The following DCTN5 variants were observed in gnomAD, a reference collection of about 807,000 sequenced individuals.
DCTN5 encodes the protein dynactin subunit 5.
A neutral mutation model predicts 23.5 loss-of-function variants in DCTN5; 14 were observed. The ratio of observed to expected loss-of-function variants is 0.60; its 90% CI spans 0.39 to 0.93. The LOEUF (loss-of-function observed/expected upper bound fraction) is 0.93, where lower values mean the gene tolerates loss of function less well. Among genes scored for constraint, DCTN5 ranks in the 40% least tolerant of loss-of-function variants. DCTN5 has a pLI of 0.00. For missense variants in DCTN5, 156 were observed against 225.9 expected (o/e 0.69, Z 1.98); for synonymous variants, 67 against 79.6 (o/e 0.84, Z 0.84).
rs1430732599 is a variant in DCTN5 at position 23,674,568 on chromosome 16, C to T, written c.*7424C>T. ...TGACAGCCTGACTCTACTTCCCTCA[C>T]TTTTCTCCCAGCACACACAGCTTAG... On this transcript the variant is annotated 3_prime_UTR_variant, in exon 6 of 6. Transcript: ENST00000300087. 6.6e-6 allele frequency: 1 copy of T among 152,216 alleles called. No homozygotes were observed. The highest frequency in any genetic ancestry group is 2.4e-5 in the African/African-American group (1 of 41,454). The allele number at this position is 152,216 out of a possible 1,614,324, so 9.4% of individuals were successfully genotyped here.
In DCTN5 at chr16:23,668,999, T is replaced by C. The variant is rs191464184; in HGVS notation, c.*1855T>C. The stretch of plus-strand genomic sequence containing the variant: ...CAAAAACAATAGCTACTACAAACAA[T>C]AGGAGTTTATAATTATGTGCTGATG... On this transcript the variant is annotated 3_prime_UTR_variant, in exon 6 of 6. Coordinates refer to ENST00000300087, the MANE Select transcript of DCTN5 (RefSeq NM_032486.4). 17 of 152,720 alleles carry C rather than the reference T, an allele frequency of 1.1e-4. No individual in the cohort carries two copies. In the East Asian group the frequency reaches 2.9e-3, roughly 26 times the overall value. 9.5% of individuals were successfully genotyped at this position (152,720 alleles called of 1,614,324 possible). A position where few individuals can be genotyped will look rare whatever the true frequency, so the allele number is the denominator to read the frequency against.
rs1193018304 is a variant in DCTN5 at position 23,645,117 on chromosome 16, ATATATATATATATATATATAT to A, written c.117+2096_117+2116del. ...TATATATATATATATATATATATAT[ATATATATATATATATATATAT>A]TTTTTTTTTTTTTAATACGCAGTTT... On this transcript the variant is annotated intron_variant, in intron 2 of 5. Coordinates refer to ENST00000300087, the MANE Select transcript of DCTN5 (RefSeq NM_032486.4). 1.4e-3 allele frequency among the ~76,000 whole-genome samples: 53 copies of A among 36,658 alleles called. 2 individuals carry two copies. The highest frequency in any genetic ancestry group is 5.6e-3 in the African/African-American group (49 of 8,802). The allele number at this position is 36,658 out of a possible 152,430, so 24.0% of individuals were successfully genotyped here.
intron 5 of DCTN5, chr16:23,666,578 C>T (rs563339298): frequency 6.0e-6 from 1 of 166,190 alleles, no homozygotes; most frequent in Non-Finnish European, 1.3e-5. Context: ...TTGTTTTACA[C>T]AGCTGAAATC....
Position 23,675,086 on chromosome 16 carries a change from A to C in DCTN5, c.*7942A>C, listed in dbSNP as rs972929780. 4 of 152,198 alleles carry C rather than the reference A, an allele frequency of 2.6e-5. No homozygotes were observed. Among genetic ancestry groups the C allele is most frequent in the Non-Finnish European group, 4.4e-5 (3 of 68,042 alleles). 9.4% of individuals were successfully genotyped at this position (152,198 alleles called of 1,614,324 possible). ...GGTACAGGTAGATGGTTAGGGCTTC[A>C]GCATGAATTTTTGTGGGGACATAAT... On this transcript the variant is annotated 3_prime_UTR_variant, in exon 6 of 6. Coordinates refer to ENST00000300087, the MANE Select transcript of DCTN5 (RefSeq NM_032486.4).
chr16:23,662,703 A>C (rs1167712869), intron 4 of DCTN5, among the ~76,000 whole-genome samples: 2 of 152,192 alleles, frequency 1.3e-5, no homozygotes, highest in Non-Finnish European at 2.9e-5. Flanking sequence ...GACAAGGGGA[A>C]AGTTAGTAAA....
At chr16:23,665,055 T>C (rs1378705551) in intron 4 of DCTN5, among the ~76,000 whole-genome samples, 1 of 152,208 alleles carries the variant, frequency 6.6e-6, no homozygotes, top group Non-Finnish European at 1.5e-5. Flanking sequence ...GGAAATAAGA[T>C]GCCTATTCCA....
rs1967941985 is a variant in DCTN5, at chr16:23,668,252, G to C, written c.*1108G>C. On this transcript the variant is annotated 3_prime_UTR_variant, in exon 6 of 6. Coordinates refer to ENST00000300087, the MANE Select transcript of DCTN5 (RefSeq NM_032486.4). The stretch of plus-strand genomic sequence containing the variant: ...CTCTGATCTGTAAGTGAATAGGGCA[G>C]AACAGTTCAGCCTTGAGGTTAGAAT... 6.6e-6 allele frequency: 1 copy of C among 152,220 alleles called. No homozygotes were observed. The highest frequency in any genetic ancestry group is 1.5e-5 in the Non-Finnish European group (1 of 68,058). 9.4% of individuals were successfully genotyped at this position (152,220 alleles called of 1,614,324 possible).
In DCTN5 at chr16:23,645,094, TATATATATATATATATATATATATATATA is replaced by T. The variant is rs1967401745; in HGVS notation, c.117+2072_117+2100del. ...TGCACCCAGCCTAACTATATATATATATATATATATATATATATATATATATATATATATATATATATATTTTTTTTTTT... is the reference window on the plus strand; with the variant it reads ...TGCACCCAGCCTAACTATATATATATTATATATATATATATTTTTTTTTTT... On this transcript the variant is annotated intron_variant, in intron 2 of 5. Transcript: ENST00000300087. Among the ~76,000 whole-genome samples the T allele has an allele frequency of 1.5e-4, 2 of 13,492 alleles. 1 individual carries two copies. Among genetic ancestry groups the T allele is most frequent in the African/African-American group, 8.9e-4 (2 of 2,256 alleles). The allele number at this position is 13,492 out of a possible 152,430, so 8.9% of individuals were successfully genotyped here. A position where few individuals can be genotyped will look rare whatever the true frequency, so the allele number is the denominator to read the frequency against.
chr16:23,663,264 C>G (rs1967847694), intron 4 of DCTN5, among the ~76,000 whole-genome samples: 1 of 152,226 alleles, frequency 6.6e-6, no homozygotes, highest in Non-Finnish European at 1.5e-5. Context: ...TTCTTGACAA[C>G]CTCCCTGCAG....
At chr16:23,656,470 T>C (rs922001259) in intron 2 of DCTN5, among the ~76,000 whole-genome samples, 1 of 152,148 alleles carries the variant, frequency 6.6e-6, no homozygotes, top group African/African-American at 2.4e-5. Context: ...CAACCCTTTT[T>C]TCTCTCCATG....
chr16:23,666,837 G>A, intron 5 of DCTN5: 1 of 671,368 alleles, frequency 1.5e-6, no homozygotes, highest in Non-Finnish European at 2.4e-6. Context: ...AGGAAGGAGA[G>A]ACTTTTGTTT....
rs371924722 is a variant in DCTN5 at position 23,658,429 on chromosome 16, A to G, written c.118-78A>G. The G allele has an allele frequency of 4.2e-3, 3,732 of 883,392 alleles. 130 individuals are homozygous for G. In the South Asian group the frequency reaches 0.049, roughly 12 times the overall value. The allele number at this position is 883,392 out of a possible 1,614,324, so 54.7% of individuals were successfully genotyped here. ...GTGGATTGTAACATAACTCAGAATC[A>G]GTATCTCGTTATCTACTCTTTTTTT... is the stretch of plus-strand genomic sequence containing the variant. On this transcript the variant is annotated intron_variant, in intron 2 of 5. Transcript: ENST00000300087.
At chr16:23,659,145 A>G (rs1420128269) in intron 3 of DCTN5, among the ~76,000 whole-genome samples, 8 of 152,154 alleles carry the variant, frequency 5.3e-5, no homozygotes, top group Non-Finnish European at 8.8e-5. Context: ...GCAGACACCA[A>G]CTAGAGATCT....
intron 2 of DCTN5, among the ~76,000 whole-genome samples, chr16:23,645,342 C>T (rs1199523697): frequency 6.6e-6 from 1 of 151,032 alleles, no homozygotes; most frequent in Non-Finnish European, 1.5e-5. Flanking sequence ...TCAGGCTGGT[C>T]TCGAACTCCC....
At chr16:23,642,310 A>G (rs1967302367) in intron 1 of DCTN5, among the ~76,000 whole-genome samples, 1 of 152,030 alleles carries the variant, frequency 6.6e-6, no homozygotes, top group Non-Finnish European at 1.5e-5. Context: ...TAACGTTACT[A>G]TCGTTATTTT....
Position 23,644,343 on chromosome 16 carries a change from C to T in DCTN5, c.117+1320C>T, listed in dbSNP as rs181820165. 4.8e-5 allele frequency among the ~76,000 whole-genome samples: 7 copies of T among 145,464 alleles called. No homozygotes were observed. The East Asian group carries it at 1.4e-3, about 30-fold the overall frequency. On this transcript the variant is annotated intron_variant, in intron 2 of 5. Coordinates refer to ENST00000300087, the MANE Select transcript of DCTN5 (RefSeq NM_032486.4). ...TGAGATGGAGTCTCGCCCTGTTGCC[C>T]AGGTTGGAGTGCAGTGGTGCGATTT... is the stretch of plus-strand genomic sequence containing the variant.
chr16:23,661,826 T>C (rs2140985446), intron 4 of DCTN5, among the ~76,000 whole-genome samples: 1 of 152,224 alleles, frequency 6.6e-6, no homozygotes, highest in South Asian at 2.1e-4. Flanking sequence ...GATGTTAAAC[T>C]CTTTCCTTTG....
At chr16:23,643,081 A>G in intron 2 of DCTN5, 58 bp downstream of exon 2, 2 of 1,392,730 alleles carry the variant, frequency 1.4e-6, no homozygotes, top group Non-Finnish European at 2.0e-6. Flanking sequence ...GCTAATTGTC[A>G]CCACAGCAGG....
rs1967957544 is a variant in DCTN5, at chr16:23,669,015, T to C, written c.*1871T>C. The C allele has an allele frequency of 6.6e-6, 1 of 152,646 alleles. No homozygotes were observed. The allele number at this position is 152,646 out of a possible 1,614,324, so 9.5% of individuals were successfully genotyped here. A position where few individuals can be genotyped will look rare whatever the true frequency, so the allele number is the denominator to read the frequency against. ...TACAAACAATAGGAGTTTATAATTATGTGCTGATGTATTCGAAGATGTGTT... is the reference window on the plus strand; with the variant it reads ...TACAAACAATAGGAGTTTATAATTACGTGCTGATGTATTCGAAGATGTGTT... On this transcript the variant is annotated 3_prime_UTR_variant, in exon 6 of 6. Transcript: ENST00000300087.
Sources: gnomAD v4.1 joint callset for allele counts (sites outside exome capture counted in the v4.1 genomes callset) on GRCh38, gnomAD v4.1.1 for gene constraint, MANE v1.5 for transcripts, NCBI Gene and HGNC (gene_info 2026-07-23, HGNC 2026-07-21) for gene names.